The following AXIN1 variants were observed in gnomAD, a reference collection of about 807,000 sequenced individuals.
AXIN1 encodes the protein axin-1.
In AXIN1, 30 loss-of-function variants were observed where a neutral mutation model predicts 76.4. That is an observed-to-expected ratio of 0.39 (90% CI 0.29 to 0.53). The LOEUF is 0.53. Ranked by LOEUF, AXIN1 falls within the 20% of genes least tolerant of loss-of-function variation. AXIN1 has a pLI of 0.66. For synonymous variants in AXIN1, 545 were observed against 501.4 expected (o/e 1.09, Z -1.16); for missense variants, 1,140 against 1,198.8 (o/e 0.95, Z 0.72).
intron 5 of AXIN1, among the ~76,000 whole-genome samples, chr16:300,840 C>CCGTT (rs2052849746): frequency 6.6e-6 from 1 of 152,132 alleles, no homozygotes; most frequent in South Asian, 2.1e-4. Flanking sequence ...AGTTTTGATG[C>CCGTT]CGTTCACTGC....
intron 2 of AXIN1, among the ~76,000 whole-genome samples, chr16:315,413 T>TTCAA: frequency 6.6e-6 from 1 of 152,382 alleles, no homozygotes; most frequent in Admixed American, 6.5e-5. Context: ...TACAGAAGTC[T>TTCAA]TCAAATAGAC....
intron 2 of AXIN1, among the ~76,000 whole-genome samples, chr16:332,608 C>T (rs1177809775): frequency 1.4e-5 from 2 of 144,714 alleles, no homozygotes; most frequent in South Asian, 2.2e-4. Context: ...AAAAATTACA[C>T]TTAACATCTT....
At chr16:292,035 G>A (rs12930733) in intron 8 of AXIN1, 19,303 of 153,760 alleles carry the variant, frequency 0.13, 1,440 homozygotes, top group South Asian at 0.21. Context: ...ACGGCTCAGC[G>A]GGCATCCCCT....
intron 4 of AXIN1, among the ~76,000 whole-genome samples, chr16:307,322 CAG>C (rs1413551020): frequency 6.6e-6 from 1 of 152,156 alleles, no homozygotes; most frequent in African/African-American, 2.4e-5. Context: ...GCAAAACTGT[CAG>C]AGTCATCAGA....
At chr16:292,553 C>T (rs2052594412) in intron 8 of AXIN1, 1 of 152,174 alleles carries the variant, frequency 6.6e-6, no homozygotes, top group Non-Finnish European at 1.5e-5. Context: ...GGGCCTGGAC[C>T]CCAGGCCCCA....
chr16:292,373 C>T (rs1190521807), intron 8 of AXIN1: 1 of 152,274 alleles, frequency 6.6e-6, no homozygotes, highest in Admixed American at 6.5e-5. Flanking sequence ...GGCCCCAGAG[C>T]TGTCATTAGG....
rs117307993 is a variant in AXIN1 at position 314,008 on chromosome 16, G to A, written c.1019+535C>T. On this transcript the variant is annotated intron_variant, in intron 3 of 10. Coordinates refer to ENST00000262320, the MANE Select transcript of AXIN1 (RefSeq NM_003502.4). ...CAGGACCCTGTACTGCACCAGCGTC[G>A]GCAGAAACGCCACCCTCAGGGACCA... Among the ~76,000 whole-genome samples, 1,328 of 152,286 alleles carry A rather than the reference G, an allele frequency of 8.7e-3. 7 individuals carry two copies. The highest frequency in any genetic ancestry group is 0.019 in the Admixed American group (298 of 15,300).
rs190615632 is a variant in AXIN1 at position 311,072 on chromosome 16, G to A, written c.1020-1003C>T. Among the ~76,000 whole-genome samples the A allele has an allele frequency of 1.7e-3, 248 of 150,254 alleles. 1 individual carries two copies. The highest frequency in any genetic ancestry group is 3.1e-3 in the African/African-American group (127 of 40,750). On this transcript the variant is annotated intron_variant, in intron 3 of 10. Transcript: ENST00000262320. ...TTTTGAGACGGAGTCTTGCTCTGTCGCCCAGGCTGGAGTGTAGTGGCGCGA... is the reference window on the plus strand; with the variant it reads ...TTTTGAGACGGAGTCTTGCTCTGTCACCCAGGCTGGAGTGTAGTGGCGCGA...
At chr16:342,265 A>G (rs2053941703) in intron 2 of AXIN1, among the ~76,000 whole-genome samples, 1 of 152,042 alleles carries the variant, frequency 6.6e-6, no homozygotes, top group Non-Finnish European at 1.5e-5. Flanking sequence ...AACTCCGAAC[A>G]CCTCCGAACG....
In AXIN1 at chr16:327,141, C is replaced by CA. The variant is rs888360786; in HGVS notation, c.879-12459dup. Among the ~76,000 whole-genome samples, 98 of 142,084 alleles carry CA rather than the reference C, an allele frequency of 6.9e-4. No homozygotes were observed. In the East Asian group the frequency reaches 0.011, roughly 15 times the overall value. 93.2% of individuals were successfully genotyped at this position (142,084 alleles called of 152,430 possible). On this transcript the variant is annotated intron_variant, in intron 2 of 10. Transcript: ENST00000262320. The stretch of plus-strand genomic sequence containing the variant: ...TGGGCGACAGAGCGAGGCTCCGTCT[C>CA]AAAAAAAAAAAGATTGCCAGCACCC...
intron 2 of AXIN1, among the ~76,000 whole-genome samples, chr16:320,974 G>A (rs927386049): frequency 1.4e-4 from 21 of 152,024 alleles, no homozygotes; most frequent in African/African-American, 4.8e-4. Flanking sequence ...GCCTGACCTT[G>A]TGATCTGCCC....
chr16:291,645 T>C, intron 8 of AXIN1: 9 of 392,852 alleles, frequency 2.3e-5, no homozygotes, highest in South Asian at 1.9e-4. Context: ...CTTCAGTCTC[T>C]TGGCATGAAT....
chr16:321,010 T>C lies in AXIN1; in HGVS notation c.879-6327A>G, dbSNP rs148496785. Among the ~76,000 whole-genome samples the C allele has an allele frequency of 6.8e-3, 1,037 of 152,174 alleles. 13 individuals are homozygous for C. Among genetic ancestry groups the C allele is most frequent in the African/African-American group, 0.023 (952 of 41,506 alleles). ...GCCTCGGCCTCCCAAAGTGCTGGGA[T>C]TACAGGCTTAAGCCACTGCGCCTGC... is the stretch of plus-strand genomic sequence containing the variant. On this transcript the variant is annotated intron_variant, in intron 2 of 10. Transcript: ENST00000262320.
At position 297,193 on chromosome 16, in the gene AXIN1, G is replaced by A. The variant is rs1309495184; in HGVS notation, c.1818C>T (p.Ala606=). Residue 606 remains alanine, a synonymous_variant, in exon 7 of 11, where the codon GCC becomes GCT. Transcript: ENST00000262320. The part of the protein sequence containing the change: ...GKVGVACKRN[A]KKAESGKSAS... ...CGCTCTTCCCCGACTCAGCCTTCTT[G>A]GCATTTCTTTTGCACGCCACGCCCA... 4.3e-6 allele frequency: 7 copies of A among 1,609,712 alleles called. No individual in the cohort carries two copies. The highest frequency in any genetic ancestry group is 2.2e-5 in the East Asian group (1 of 44,870).
At chr16:322,171 G>A (rs1031987039) in intron 2 of AXIN1, among the ~76,000 whole-genome samples, 11 of 152,340 alleles carry the variant, frequency 7.2e-5, no homozygotes, top group Admixed American at 2.6e-4. Flanking sequence ...CAGGCGTGAG[G>A]CTGGGTGCTT....
At chr16:349,809 G>A (rs2054106583) in intron 1 of AXIN1, among the ~76,000 whole-genome samples, 1 of 152,122 alleles carries the variant, frequency 6.6e-6, no homozygotes, top group African/African-American at 2.4e-5. Flanking sequence ...TTTGTTTTTT[G>A]TTATTTTGAG....
At chr16:298,467 GT>G (rs1219364072) in intron 5 of AXIN1, among the ~76,000 whole-genome samples, 1 of 152,216 alleles carries the variant, frequency 6.6e-6, no homozygotes, top group Non-Finnish European at 1.5e-5. Flanking sequence ...GGAATGCAGC[GT>G]ATGTATCGGC....
intron 2 of AXIN1, among the ~76,000 whole-genome samples, chr16:336,010 G>C (rs1335832799): frequency 6.6e-6 from 1 of 151,996 alleles, no homozygotes; most frequent in East Asian, 1.9e-4. Flanking sequence ...CAAGGCAGGG[G>C]GATCACTTGA....
chr16:287,601 G>T lies in AXIN1; in HGVS notation c.*521C>A. Reference sequence around the variant, plus strand: ...CGGGCCCTCAGAAAGGAGGACCCAGGACTGCACAGCCGGCGGCTGGAGGCA... The same window carrying T: ...CGGGCCCTCAGAAAGGAGGACCCAGTACTGCACAGCCGGCGGCTGGAGGCA... On this transcript the variant is annotated 3_prime_UTR_variant, in exon 11 of 11. Transcript: ENST00000262320. The T allele has an allele frequency of 3.1e-6, 1 of 322,806 alleles. No homozygotes were observed. The highest frequency in any genetic ancestry group is 4.6e-5 in the Admixed American group (1 of 21,832). The allele number at this position is 322,806 out of a possible 1,614,324, so 20.0% of individuals were successfully genotyped here.
Sources: allele counts gnomAD v4.1 joint callset (sites outside exome capture counted in the v4.1 genomes callset), GRCh38; gene constraint gnomAD v4.1.1; transcripts MANE v1.5; gene names NCBI Gene and HGNC (gene_info 2026-07-23, HGNC 2026-07-21).